The following C12orf42 variants were observed in gnomAD, a reference collection of about 807,000 sequenced individuals.
C12orf42 encodes uncharacterized protein C12orf42.
C12orf42 carries 25 observed loss-of-function variants against 21.6 expected under a neutral mutation model. That is an observed-to-expected ratio of 1.16 (90% CI 0.84 to 1.62). The LOEUF (loss-of-function observed/expected upper bound fraction) is 1.62, where lower values mean the gene tolerates loss of function less well. Ranked by LOEUF, C12orf42 falls within the 40% of genes most tolerant of loss-of-function variation. The pLI, the probability that C12orf42 is intolerant of heterozygous loss-of-function variation, is 0.00. For missense variants in C12orf42, 483 were observed against 459.3 expected (o/e 1.05, Z -0.47); for synonymous variants, 174 against 175.0 (o/e 0.99, Z 0.05).
chr12:103,467,826 T>C (rs1053115912), intron 2 of C12orf42, among the ~76,000 whole-genome samples: 8 of 152,224 alleles, frequency 5.3e-5, no homozygotes, highest in Non-Finnish European at 1.2e-4. Context: ...ACCAAACTTC[T>C]TTGTATTTTA....
At chr12:103,266,566 C>T (rs1166467599), downstream of C12orf42, among the ~76,000 whole-genome samples, 7 of 151,882 alleles carry the variant, frequency 4.6e-5, no homozygotes, top group Non-Finnish European at 1.0e-4. Context: ...TCAACTTGGT[C>T]GAGGTAGGCA....
At chr12:103,544,196 A>AT in the C12orf42 span, among the ~76,000 whole-genome samples, 1 of 152,102 alleles carries the variant, frequency 6.6e-6, no homozygotes, top group Non-Finnish European at 1.5e-5. Context: ...AATTCTTATA[A>AT]TAAGAGTCTC....
At chr12:103,463,277 T>C (rs1952866603) in intron 2 of C12orf42, among the ~76,000 whole-genome samples, 1 of 152,148 alleles carries the variant, frequency 6.6e-6, no homozygotes, top group African/African-American at 2.4e-5. Context: ...CCTAAATAAA[T>C]ATTTTATAAC....
rs2037800633 is a variant in C12orf42 at position 103,302,503 on chromosome 12, C to T, written c.688G>A (p.Gly230Ser). Residue 230 changes from glycine to serine, a missense_variant, in exon 6 of 6, where the codon GGC (glycine) becomes AGC (serine). Physicochemically the swap from Gly to Ser is moderately conservative, Grantham distance 56. Transcript: ENST00000548883. The stretch of plus-strand genomic sequence containing the variant: ...CTCGGGCCGGTGCTCTGCAGAGCGC[C>T]GGGCGTCTGGCTCCTCCTGCAGAGG... ...IGLCRRSQTP[G>S]ALQSTGPSNT... 1 of 1,613,294 alleles carries T rather than the reference C, an allele frequency of 6.2e-7. No homozygotes were observed. The highest frequency in any genetic ancestry group is 1.1e-5 in the South Asian group (1 of 91,060).
intron 4 of C12orf42, among the ~76,000 whole-genome samples, chr12:103,308,456 T>C (rs901966660): frequency 6.6e-6 from 1 of 152,218 alleles, no homozygotes. Flanking sequence ...AATTAGACAG[T>C]GCAGATAAAC....
chr12:103,502,709 G>T, the C12orf42 span, among the ~76,000 whole-genome samples: 2 of 152,124 alleles, frequency 1.3e-5, no homozygotes, highest in African/African-American at 4.8e-5. Context: ...ATGTATCCCA[G>T]ATATACCCCA....
intron 10 of C12orf42, among the ~76,000 whole-genome samples, chr12:103,255,488 C>A (rs2034517183): frequency 6.6e-6 from 1 of 152,004 alleles, no homozygotes; most frequent in East Asian, 1.9e-4. Flanking sequence ...TGAAATTATC[C>A]ATTTATTCCT....
At chr12:103,149,991 C>T in the C12orf42 span, among the ~76,000 whole-genome samples, 1 of 152,104 alleles carries the variant, frequency 6.6e-6, no homozygotes, top group Non-Finnish European at 1.5e-5. Context: ...TTTATAACAT[C>T]CTTCCCCTAT....
intron 10 of C12orf42, among the ~76,000 whole-genome samples, chr12:103,251,647 C>A (rs1479279240): frequency 6.6e-6 from 1 of 152,124 alleles, no homozygotes; most frequent in Non-Finnish European, 1.5e-5. Context: ...TAATTTTGAA[C>A]ATGGCCTGCA....
chr12:103,068,970 TA>T, the C12orf42 span, among the ~76,000 whole-genome samples: 1 of 101,434 alleles, frequency 9.9e-6, no homozygotes, highest in Non-Finnish European at 2.0e-5. Flanking sequence ...TATATATATA[TA>T]TATATATATA....
chr12:103,473,069 A>G (rs1953753781), intron 2 of C12orf42, among the ~76,000 whole-genome samples: 1 of 152,254 alleles, frequency 6.6e-6, no homozygotes, highest in South Asian at 2.1e-4. Flanking sequence ...ACAGACACAG[A>G]GTCAGATGAG....
At chr12:103,515,744 G>C in the C12orf42 span, among the ~76,000 whole-genome samples, 5 of 152,132 alleles carry the variant, frequency 3.3e-5, no homozygotes, top group African/African-American at 1.2e-4. Context: ...TAAATAAAAA[G>C]AAATGTTTCA....
At chr12:103,225,154 A>T in the C12orf42 span, among the ~76,000 whole-genome samples, 6 of 152,194 alleles carry the variant, frequency 3.9e-5, no homozygotes, top group African/African-American at 1.4e-4. Flanking sequence ...TGAAAAAAGC[A>T]TCTTTAAGAT....
At chr12:103,059,752 G>T in the C12orf42 span, among the ~76,000 whole-genome samples, 1 of 152,124 alleles carries the variant, frequency 6.6e-6, no homozygotes, top group South Asian at 2.1e-4. Flanking sequence ...CTCAGTAAAT[G>T]CAGAAAGGCC....
chr12:103,251,026 A>T (rs1038274137), intron 10 of C12orf42, among the ~76,000 whole-genome samples: 3 of 152,254 alleles, frequency 2.0e-5, no homozygotes, highest in Middle Eastern at 3.4e-3. Context: ...CTTAAGTGAC[A>T]ATCACTCATT....
the C12orf42 span, among the ~76,000 whole-genome samples, chr12:103,067,239 G>A: frequency 1.3e-5 from 2 of 152,176 alleles, no homozygotes; most frequent in Admixed American, 6.5e-5. Flanking sequence ...ATGCTTCTGC[G>A]AAGACTACCA....
intron 3 of C12orf42, among the ~76,000 whole-genome samples, chr12:103,386,176 C>T (rs1358463925): frequency 6.6e-6 from 1 of 152,134 alleles, no homozygotes; most frequent in African/African-American, 2.4e-5. Flanking sequence ...ATTGGCAAAG[C>T]CAGGATTTGA....
chr12:103,391,396 G>T (rs2047068288), intron 3 of C12orf42, among the ~76,000 whole-genome samples: 1 of 152,064 alleles, frequency 6.6e-6, no homozygotes, highest in South Asian at 2.1e-4. Flanking sequence ...AGCAATGCAT[G>T]AGTTTCAATT....
downstream of C12orf42, among the ~76,000 whole-genome samples, chr12:103,263,782 C>T (rs2136230997): frequency 6.6e-6 from 1 of 152,316 alleles, no homozygotes; most frequent in East Asian, 1.9e-4. Flanking sequence ...CCAAATCCTT[C>T]CACTGCAGCC....
Sources: allele counts gnomAD v4.1 joint callset (sites outside exome capture counted in the v4.1 genomes callset), GRCh38; gene constraint gnomAD v4.1.1; transcripts MANE v1.5; gene names NCBI Gene and HGNC (gene_info 2026-07-23, HGNC 2026-07-21).